MAGI3: variants seen among roughly 807,000 people sequenced by gnomAD.
The protein encoded by MAGI3 is membrane associated guanylate kinase, WW and PDZ domain containing 3.
Under a neutral mutation model 121.8 loss-of-function variants are expected in MAGI3, and 43 were observed. The observed-to-expected ratio is 0.35, with a 90% CI of 0.28 to 0.46. MAGI3 has a LOEUF of 0.46. Ranked by LOEUF, MAGI3 falls within the 20% of genes least tolerant of loss-of-function variation. The pLI is 1.00. For missense variants in MAGI3, 1,547 were observed against 1,797.3 expected (o/e 0.86, Z 2.52); for synonymous variants, 553 against 639.3 (o/e 0.86, Z 2.04).
chr1:113,625,097 C>A (rs910377166), intron 9 of MAGI3, among the ~76,000 whole-genome samples: 4 of 152,178 alleles, frequency 2.6e-5, no homozygotes, highest in Non-Finnish European at 4.4e-5. Context: ...GTTACTATAG[C>A]TCTGTAGTAT....
chr1:113,430,153 AC>A, intron 1 of MAGI3, among the ~76,000 whole-genome samples: 1 of 152,322 alleles, frequency 6.6e-6, no homozygotes, highest in South Asian at 2.1e-4. Context: ...GTGAATAAAT[AC>A]ATTTCTTTTT....
At chr1:113,421,298 A>T (rs994926237) in intron 1 of MAGI3, among the ~76,000 whole-genome samples, 2 of 152,206 alleles carry the variant, frequency 1.3e-5, no homozygotes, top group African/African-American at 4.8e-5. Context: ...CAAGTTAAAA[A>T]TTTTGTGCTA....
intron 1 of MAGI3, among the ~76,000 whole-genome samples, chr1:113,515,159 T>TA (rs1553194330): frequency 2.5e-4 from 38 of 151,880 alleles, no homozygotes; most frequent in African/African-American, 7.5e-4. Context: ...GTAAAAATGG[T>TA]AAAAAAAAAT....
At chr1:113,413,846 A>G (rs200944701) in intron 1 of MAGI3, among the ~76,000 whole-genome samples, 2 of 151,758 alleles carry the variant, frequency 1.3e-5, no homozygotes, top group African/African-American at 2.4e-5. Flanking sequence ...TGACTTCCTC[A>G]TTTCCTAATT....
At chr1:113,640,003 G>C (rs1570982877) in intron 9 of MAGI3, among the ~76,000 whole-genome samples, 1 of 152,232 alleles carries the variant, frequency 6.6e-6, no homozygotes, top group East Asian at 1.9e-4. Context: ...CCAGCCAGTG[G>C]CTTCTTAAAC....
intron 20 of MAGI3, among the ~76,000 whole-genome samples, chr1:113,681,966 A>G (rs1333781108): frequency 6.6e-6 from 1 of 152,036 alleles, no homozygotes; most frequent in African/African-American, 2.4e-5. Flanking sequence ...AGGCAGTACC[A>G]CACCCACGCA....
chr1:113,629,188 A>T (rs894678926), intron 9 of MAGI3, among the ~76,000 whole-genome samples: 1 of 151,784 alleles, frequency 6.6e-6, no homozygotes, highest in African/African-American at 2.4e-5. Context: ...CTTCTACTTG[A>T]TCGATTCTGC....
chr1:113,675,355 A>T (rs528699271), intron 19 of MAGI3, among the ~76,000 whole-genome samples: 1 of 152,326 alleles, frequency 6.6e-6, no homozygotes, highest in South Asian at 2.1e-4. Context: ...TAAATGAGGG[A>T]TGAAGGAAAA....
chr1:113,612,626 A>C (rs1020455428), intron 6 of MAGI3, among the ~76,000 whole-genome samples: 2 of 64,122 alleles, frequency 3.1e-5, no homozygotes, highest in Non-Finnish European at 7.1e-5. Context: ...AAAACAAAAC[A>C]AAACCAAACA....
chr1:113,505,389 A>G (rs976397489), intron 1 of MAGI3, among the ~76,000 whole-genome samples: 2 of 152,104 alleles, frequency 1.3e-5, no homozygotes, highest in Admixed American at 6.5e-5. Flanking sequence ...TCAAATAAAC[A>G]CATATTAATT....
At chr1:113,674,670 C>G (rs927290711) in intron 19 of MAGI3, among the ~76,000 whole-genome samples, 1 of 152,032 alleles carries the variant, frequency 6.6e-6, no homozygotes, top group African/African-American at 2.4e-5. Flanking sequence ...AGAAAAGGTG[C>G]TTCTGGGTGA....
intron 1 of MAGI3, among the ~76,000 whole-genome samples, chr1:113,537,131 G>C (rs1659044382): frequency 6.6e-6 from 1 of 152,154 alleles, no homozygotes; most frequent in South Asian, 2.1e-4. Flanking sequence ...GATATAGATA[G>C]CAGATAGCCT....
At chr1:113,586,721 T>A (rs1648387627) in intron 4 of MAGI3, among the ~76,000 whole-genome samples, 1 of 152,200 alleles carries the variant, frequency 6.6e-6, no homozygotes, top group African/African-American at 2.4e-5. Flanking sequence ...TTAAAAATGC[T>A]AAACAGTAGG....
chr1:113,636,058 G>A lies in MAGI3; in HGVS notation c.1361-5853G>A, dbSNP rs560958063. Among the ~76,000 whole-genome samples the A allele has an allele frequency of 1.5e-3, 229 of 152,118 alleles. 1 individual carries two copies. The highest frequency in any genetic ancestry group is 5.4e-3 in the African/African-American group (222 of 41,488). ...TCTGATGGTAGTTTGTATTTCTGTG[G>A]GATCGGTGGTGATATCCCCTTTTAT... is the stretch of plus-strand genomic sequence containing the variant. On this transcript the variant is annotated intron_variant, in intron 9 of 20. Transcript: ENST00000307546.
intron 5 of MAGI3, among the ~76,000 whole-genome samples, chr1:113,593,279 A>G (rs1648803145): frequency 6.6e-6 from 1 of 152,214 alleles, no homozygotes; most frequent in African/African-American, 2.4e-5. Context: ...ACTTCAGTTA[A>G]GTATGACATG....
Position 113,423,268 on chromosome 1 carries a change from G to T in MAGI3, c.316+31919G>T, listed in dbSNP as rs1473719862. On this transcript the variant is annotated intron_variant, in intron 1 of 20. Transcript: ENST00000307546. ...TTCGTTTTTTTTTTTTTGGGGGGGG[G>T]GTTGTTTTTGTTTTTGTTTTTGAGA... 1.4e-4 allele frequency among the ~76,000 whole-genome samples: 20 copies of T among 146,824 alleles called. No individual in the cohort carries two copies. In the East Asian group the frequency reaches 3.6e-3, roughly 27 times the overall value.
chr1:113,682,132 C>T, intron 20 of MAGI3: 1 of 1,465,452 alleles, frequency 6.8e-7, no homozygotes, highest in Non-Finnish European at 9.2e-7. Context: ...ATCATATGTT[C>T]CCAGTGACAT....
At chr1:113,403,348 A>G (rs1651505438) in intron 1 of MAGI3, among the ~76,000 whole-genome samples, 1 of 152,118 alleles carries the variant, frequency 6.6e-6, no homozygotes, top group African/African-American at 2.4e-5. Flanking sequence ...CATTGCTGTG[A>G]CAGCTTCTCC....
chr1:113,434,257 TTG>T (rs1439311887), intron 1 of MAGI3, among the ~76,000 whole-genome samples: 1 of 152,092 alleles, frequency 6.6e-6, no homozygotes, highest in Non-Finnish European at 1.5e-5. Context: ...CATTTGAGGG[TTG>T]TGAGTTAATC....
Sources: allele counts gnomAD v4.1 joint callset (sites outside exome capture counted in the v4.1 genomes callset), GRCh38; gene constraint gnomAD v4.1.1; transcripts MANE v1.5; gene names NCBI Gene and HGNC (gene_info 2026-07-23, HGNC 2026-07-21).